The following CUX2 variants were observed in gnomAD, a reference collection of about 807,000 sequenced individuals.
CUX2 encodes cut like homeobox 2.
A neutral mutation model predicts 144.8 loss-of-function variants in CUX2; 40 were observed. The ratio of observed to expected loss-of-function variants is 0.28; its 90% CI spans 0.21 to 0.36. The LOEUF (loss-of-function observed/expected upper bound fraction) is 0.36. Among genes scored for constraint, CUX2 ranks in the 10% least tolerant of loss-of-function variants. The probability of loss-of-function intolerance (pLI) is 1.00; values close to 1 mark genes in which losing one functional copy is unlikely to be tolerated. For synonymous variants in CUX2, 827 were observed against 875.6 expected (o/e 0.94, Z 0.98); for missense variants, 1,615 against 1,994.0 (o/e 0.81, Z 3.62).
chr12:111,045,592 T>C (rs1869957310), intron 1 of CUX2, among the ~76,000 whole-genome samples: 1 of 152,240 alleles, frequency 6.6e-6, no homozygotes, highest in Non-Finnish European at 1.5e-5. Flanking sequence ...TTATTATCTT[T>C]ATTAGCAATT....
At chr12:111,144,887 A>G (rs1775504524) in intron 1 of CUX2, among the ~76,000 whole-genome samples, 1 of 152,154 alleles carries the variant, frequency 6.6e-6, no homozygotes, top group African/African-American at 2.4e-5. Flanking sequence ...TCACTGGGTC[A>G]GGCTGTGAGT....
At position 111,322,356 on chromosome 12, in the gene CUX2, A is replaced by C; in HGVS notation, c.2767-65A>C. The C allele has an allele frequency of 7.2e-5, 64 of 888,434 alleles. No homozygotes were observed. Among genetic ancestry groups the C allele is most frequent in the Non-Finnish European group, 9.9e-5 (61 of 614,504 alleles). The allele number at this position is 888,434 out of a possible 1,614,324, so 55.0% of individuals were successfully genotyped here. A position where few individuals can be genotyped will look rare whatever the true frequency, so the allele number is the denominator to read the frequency against. ...AAAAAAAAAAAAAAGGTTGGGGAGG[A>C]GAGTGAGGGCCAGGCCCATGTCCCA... On this transcript the variant is annotated intron_variant, in intron 17 of 21. Transcript: ENST00000261726. This position sits in a 1 kb window ranked among gnomAD's most constrained non-coding sequence, Gnocchi z 4.2.
chr12:111,288,364 C>T (rs542567472), intron 4 of CUX2, among the ~76,000 whole-genome samples: 6 of 152,146 alleles, frequency 3.9e-5, no homozygotes, highest in South Asian at 4.1e-4. Context: ...GAGGTTGCTA[C>T]ATTTATGGTG....
chr12:111,329,255 C>T (rs1887980980), intron 18 of CUX2, among the ~76,000 whole-genome samples: 1 of 151,438 alleles, frequency 6.6e-6, no homozygotes, highest in Admixed American at 6.6e-5. Context: ...TCCCCAGCTG[C>T]CCACAGCCCT....
In CUX2 at chr12:111,308,268, T is replaced by C; in HGVS notation, c.1110-17T>C. Reference sequence around the variant, plus strand: ...GGGGGCTGGCTGACCTCAGACCCTCTCCACTTGCTCTGGCAGCATCCTGAA... The same window carrying C: ...GGGGGCTGGCTGACCTCAGACCCTCCCCACTTGCTCTGGCAGCATCCTGAA... On this transcript the variant is annotated splice_polypyrimidine_tract_variant and intron_variant, in intron 12 of 21. Transcript: ENST00000261726. 6.2e-7 allele frequency: 1 copy of C among 1,614,056 alleles called. No individual in the cohort carries two copies. The highest frequency in any genetic ancestry group is 8.5e-7 in the Non-Finnish European group (1 of 1,179,990).
At chr12:111,328,619 T>TGTGTGTGTGA (rs757660183) in intron 18 of CUX2, among the ~76,000 whole-genome samples, 33 of 148,618 alleles carry the variant, frequency 2.2e-4, no homozygotes, top group African/African-American at 6.8e-4. Context: ...TGTGTGTGTG[T>TGTGTGTGTGA]GACAGAGTCT....
At chr12:111,078,550 G>A (rs1394553183) in intron 1 of CUX2, among the ~76,000 whole-genome samples, 1 of 152,088 alleles carries the variant, frequency 6.6e-6, no homozygotes, top group African/African-American at 2.4e-5. Flanking sequence ...TGCACTTGTG[G>A]TCCCAGCTAC....
At chr12:111,221,814 G>A (rs754625385) in intron 3 of CUX2, among the ~76,000 whole-genome samples, 5 of 151,918 alleles carry the variant, frequency 3.3e-5, no homozygotes, top group South Asian at 2.1e-4. Flanking sequence ...GTGTGTGTGC[G>A]TGCCGGTGGG....
intron 1 of CUX2, among the ~76,000 whole-genome samples, chr12:111,177,115 C>T (rs1306642324): frequency 1.3e-5 from 2 of 152,168 alleles, no homozygotes; most frequent in Non-Finnish European, 2.9e-5. Flanking sequence ...CCGTGCTGGG[C>T]TCCTTCAGGA....
intron 1 of CUX2, among the ~76,000 whole-genome samples, chr12:111,213,806 G>A (rs767629162): frequency 3.5e-4 from 53 of 151,728 alleles, no homozygotes; most frequent in Non-Finnish European, 6.5e-4. Flanking sequence ...ACAATATGCC[G>A]CACTTTACTA....
chr12:111,066,080 G>C (rs1443465137), intron 1 of CUX2, among the ~76,000 whole-genome samples: 2 of 152,196 alleles, frequency 1.3e-5, no homozygotes, highest in African/African-American at 2.4e-5. Flanking sequence ...GAGGTGTTCT[G>C]ATCCACATAC....
At chr12:111,314,361 C>G (rs200175166) in intron 16 of CUX2, among the ~76,000 whole-genome samples, 1 of 152,100 alleles carries the variant, frequency 6.6e-6, no homozygotes, top group Admixed American at 6.6e-5. Flanking sequence ...CGTGAGCCAC[C>G]GTGCCCAGAC....
Position 111,310,285 on chromosome 12 carries a change from G to A in CUX2, c.1503G>A (p.Ala501=), listed in dbSNP as rs764171576. 8 of 1,494,118 alleles carry A rather than the reference G, an allele frequency of 5.4e-6. No individual in the cohort carries two copies. The highest frequency in any genetic ancestry group is 2.7e-5 in the South Asian group (2 of 73,404). The allele number at this position is 1,494,118 out of a possible 1,614,324, so 92.6% of individuals were successfully genotyped here. ...MMPPAAFKGE[A]GGLLVFPPAF... The stretch of plus-strand genomic sequence containing the variant: ...CCCCAGCCGCCTTCAAGGGAGAGGC[G>A]GGCGGCCTGCTGGTGTTCCCCCCAG... Residue 501 remains alanine, a synonymous_variant, in exon 15 of 22, where the codon GCG becomes GCA. Transcript: ENST00000261726. The surrounding 1 kb of genome is among the most constrained non-coding windows in gnomAD (Gnocchi z 7.9).
intron 1 of CUX2, among the ~76,000 whole-genome samples, chr12:111,204,162 C>T (rs1313735912): frequency 6.6e-6 from 1 of 152,232 alleles, no homozygotes; most frequent in Non-Finnish European, 1.5e-5. Context: ...CACAGGTCTG[C>T]CTAAGCTCAC....
In CUX2 at chr12:111,035,031, G is replaced by T. The variant is rs971597802; in HGVS notation, c.63+791G>T. 2.0e-5 allele frequency among the ~76,000 whole-genome samples: 3 copies of T among 152,028 alleles called. No homozygotes were observed. Among genetic ancestry groups the T allele is most frequent in the African/African-American group, 4.8e-5 (2 of 41,396 alleles). ...GCAGACGGGCGGTGGAGGTGGGCCC[G>T]GGCGCTCGCAAGTTTGCGCTCCTGC... On this transcript the variant is annotated intron_variant, in intron 1 of 21. Coordinates refer to ENST00000261726, the MANE Select transcript of CUX2 (RefSeq NM_015267.4). This position sits in a 1 kb window ranked among gnomAD's most constrained non-coding sequence, Gnocchi z 6.0.
chr12:111,052,404 G>C (rs1870318687), intron 1 of CUX2, among the ~76,000 whole-genome samples: 1 of 150,786 alleles, frequency 6.6e-6, no homozygotes, highest in Admixed American at 6.6e-5. Context: ...AGAGGGCAGA[G>C]CACATAGTAG....
intron 1 of CUX2, among the ~76,000 whole-genome samples, chr12:111,055,593 G>T (rs1329149689): frequency 6.6e-6 from 1 of 152,262 alleles, no homozygotes; most frequent in Non-Finnish European, 1.5e-5. Flanking sequence ...CTCCCTGGAG[G>T]GGGCGAGGAG....
chr12:111,084,784 G>A (rs1872105445), intron 1 of CUX2, among the ~76,000 whole-genome samples: 1 of 152,150 alleles, frequency 6.6e-6, no homozygotes, highest in African/African-American at 2.4e-5. Flanking sequence ...TATAATGAGG[G>A]GCCACGTGGC....
At chr12:111,318,521 C>T (rs1013787976) in intron 16 of CUX2, among the ~76,000 whole-genome samples, 1 of 150,228 alleles carries the variant, frequency 6.7e-6, no homozygotes, top group Admixed American at 6.7e-5. Context: ...TTTGAGACCA[C>T]AGAGAGCTAT....
Sources: gnomAD v4.1 joint callset for allele counts (sites outside exome capture counted in the v4.1 genomes callset) on GRCh38, gnomAD v4.1.1 for gene constraint, Gnocchi (gnomAD v3.1) non-coding constraint, MANE v1.5 for transcripts, NCBI Gene and HGNC (gene_info 2026-07-23, HGNC 2026-07-21) for gene names.